The following LMNTD2 variants were observed in gnomAD, a reference collection of about 807,000 sequenced individuals.
The protein encoded by LMNTD2 is lamin tail domain containing 2.
Under a neutral mutation model 70.1 loss-of-function variants are expected in LMNTD2, and 83 were observed. The ratio of observed to expected loss-of-function variants is 1.18; its 90% CI spans 0.99 to 1.42. LMNTD2 has a LOEUF of 1.42. Among genes scored for constraint, LMNTD2 ranks in the 40% most tolerant of loss-of-function variants. The probability of loss-of-function intolerance (pLI) is 0.00; values close to 1 mark genes in which losing one functional copy is unlikely to be tolerated. For missense variants in LMNTD2, 1,153 were observed against 905.9 expected (o/e 1.27, Z -3.50); for synonymous variants, 534 against 406.1 (o/e 1.31, Z -3.79).
intron 5 of LMNTD2, 50 bp downstream of exon 5, chr11:557,834 A>G: frequency 6.6e-7 from 1 of 1,514,966 alleles, no homozygotes. Flanking sequence ...CGAGATGGGG[A>G]GGGCTGGGGA....
intron 1 of LMNTD2, 122 bp downstream of exon 1, chr11:560,561 C>G: frequency 8.0e-7 from 1 of 1,256,520 alleles, no homozygotes; most frequent in Non-Finnish European, 1.0e-6. Flanking sequence ...GGGCTGGCCC[C>G]GCTGCCCCTG....
Position 555,448 on chromosome 11 carries a change from C to G in LMNTD2, c.1630G>C (p.Gly544Arg), listed in dbSNP as rs1303521482. The G allele has an allele frequency of 1.4e-5, 19 of 1,380,906 alleles. No individual in the cohort carries two copies. The highest frequency in any genetic ancestry group is 1.8e-5 in the Non-Finnish European group (19 of 1,073,620). The allele number at this position is 1,380,906 out of a possible 1,614,324, so 85.5% of individuals were successfully genotyped here. ...SSGKLFHARE[G>R]PARPENPEIP... Reference sequence around the variant, plus strand: ...TCGGGGTTCTCGGGCCGCGCAGGCCCCTCCCGCGCGTGGAAGAGCTTCCCC... The same window carrying G: ...TCGGGGTTCTCGGGCCGCGCAGGCCGCTCCCGCGCGTGGAAGAGCTTCCCC... Residue 544 changes from glycine (G) to arginine (R), a missense_variant, in exon 13 of 14, where the codon GGG becomes CGG. Physicochemically the swap from Gly to Arg is moderately radical, Grantham distance 125. Coordinates refer to ENST00000329451, the MANE Select transcript of LMNTD2 (RefSeq NM_173573.3).
Position 556,524 on chromosome 11 carries a change from G to T in LMNTD2, c.1041C>A (p.Asp347Glu). 1 of 1,559,298 alleles carries T rather than the reference G, an allele frequency of 6.4e-7. No homozygotes were observed. The highest frequency in any genetic ancestry group is 1.2e-5 in the South Asian group (1 of 84,642). The change falls in exon 9 of 14, where the codon GAC becomes GAA. Residue 347 changes from aspartate (D) to glutamate (E), a missense_variant. Transcript: ENST00000329451. Reference sequence around the variant, plus strand: ...GGAGTTCCGGGCTCCAGTGGTCCGGGTCTGTGCAGGGCTGGGGCGACAGGA... The same window carrying T: ...GGAGTTCCGGGCTCCAGTGGTCCGGTTCTGTGCAGGGCTGGGGCGACAGGA... ...EPVLSPQPCTDPDHWSPELLQ... is the reference protein window; with the variant it reads ...EPVLSPQPCTEPDHWSPELLQ...
chr11:555,192 G>GGGAGGAGAGCGGAGGGGCGA, intron 13 of LMNTD2, 81 bp from the exon 14 acceptor site: 2 of 480,748 alleles, frequency 4.2e-6, no homozygotes, highest in Non-Finnish European at 6.2e-6. Context: ...GGGAGGGGCG[G>GGGAGGAGAGCGGAGGGGCGA]GGAGGAGAGC....
At chr11:555,165 AGGGGAGGGGAGGAGAGGGGAG>A in intron 13 of LMNTD2, 54 bp from the exon 14 acceptor site, 1 of 284,956 alleles carries the variant, frequency 3.5e-6, no homozygotes, top group Non-Finnish European at 5.7e-6. Flanking sequence ...ACGGGAGGGG[AGGGGAGGGGAGGAGAGGGGAG>A]GGGCGGGGAG....
intron 1 of LMNTD2, chr11:559,804 G>A (rs1564820466): frequency 8.9e-6 from 9 of 1,014,494 alleles, no homozygotes; most frequent in Non-Finnish European, 1.1e-5. Flanking sequence ...CCGCTGTCCA[G>A]GCTGGAATGC....
rs773482700 is a variant in LMNTD2 at position 556,539 on chromosome 11, G to A, written c.1026C>T (p.Pro342=). 6.4e-7 allele frequency: 1 copy of A among 1,562,230 alleles called. No homozygotes were observed. Among genetic ancestry groups the A allele is most frequent in the Non-Finnish European group, 8.7e-7 (1 of 1,153,712 alleles). ...AGTGGTCCGGGTCTGTGCAGGGCTG[G>A]GGCGACAGGACCGGCTCGCCGTGCC... is the stretch of plus-strand genomic sequence containing the variant. ...SPRHGEPVLS[P]QPCTDPDHWS... Residue 342 remains proline (P), a synonymous_variant, in exon 9 of 14, where the codon CCC becomes CCT. Coordinates refer to ENST00000329451, the MANE Select transcript of LMNTD2 (RefSeq NM_173573.3).
At chr11:557,751 G>A (rs540452436) in intron 5 of LMNTD2, 111 bp from the exon 6 acceptor site, 3 of 1,571,536 alleles carry the variant, frequency 1.9e-6, no homozygotes, top group Admixed American at 1.8e-5. Flanking sequence ...CCCTGCTGGA[G>A]CCCAGAGTTC....
rs553041849 is a variant in LMNTD2 at position 556,122 on chromosome 11, G to C, written c.1258-7C>G. The C allele has an allele frequency of 7.1e-7, 1 of 1,412,170 alleles. No homozygotes were observed. The highest frequency in any genetic ancestry group is 9.2e-7 in the Non-Finnish European group (1 of 1,089,934). 87.5% of individuals were successfully genotyped at this position (1,412,170 alleles called of 1,614,324 possible). A position where few individuals can be genotyped will look rare whatever the true frequency, so the allele number is the denominator to read the frequency against. The stretch of plus-strand genomic sequence containing the variant: ...GGGTCGCCTCGCCCCAGACCTGGAG[G>C]GGCGTGGAGCGGCGGGTGAGGGGCG... On this transcript the variant is annotated splice_region_variant and splice_polypyrimidine_tract_variant and intron_variant, in intron 10 of 13. Coordinates refer to ENST00000329451, the MANE Select transcript of LMNTD2 (RefSeq NM_173573.3).
chr11:560,589 C>T (rs1379632042), intron 1 of LMNTD2, 94 bp downstream of exon 1: 3 of 1,290,750 alleles, frequency 2.3e-6, no homozygotes, highest in Non-Finnish European at 3.0e-6. Flanking sequence ...GCGGGGGTTG[C>T]GGGATCTCAA....
rs775937986 is a variant in LMNTD2, at chr11:555,798, GC to G, written c.1509del (p.Arg504AlafsTer30). ...AGPGADTRKP[P>X]RPPRPLRKGR... Reference sequence around the variant, plus strand: ...CCTTTGCGCAGGGGTCGAGGTGGGCGCGGCGGCTTGCGGGTGTCGGCGCCGG... The same window carrying G: ...CCTTTGCGCAGGGGTCGAGGTGGGCGGGCGGCTTGCGGGTGTCGGCGCCGG... On this transcript the variant is annotated frameshift_variant, in exon 12 of 14. Coordinates refer to ENST00000329451, the MANE Select transcript of LMNTD2 (RefSeq NM_173573.3). LOFTEE classifies it high-confidence loss of function. 1.2e-5 allele frequency: 18 copies of G among 1,520,336 alleles called. No homozygotes were observed. Among genetic ancestry groups the G allele is most frequent in the Non-Finnish European group, 8.7e-7 (1 of 1,145,970 alleles). The allele number at this position is 1,520,336 out of a possible 1,614,324, so 94.2% of individuals were successfully genotyped here. A position where few individuals can be genotyped will look rare whatever the true frequency, so the allele number is the denominator to read the frequency against.
intron 13 of LMNTD2, 87 bp from the exon 14 acceptor site, chr11:555,198 A>AGAGCGGAGGGGCGGGGAGGC: frequency 2.5e-6 from 1 of 402,840 alleles, no homozygotes; most frequent in Non-Finnish European, 3.4e-6. Context: ...GGCGGGGAGG[A>AGAGCGGAGGGGCGGGGAGGC]GAGCGGAGGG....
rs1853048324 is a variant in LMNTD2 at position 558,467 on chromosome 11, T to C, written c.311+147A>G. 4 of 1,155,792 alleles carry C rather than the reference T, an allele frequency of 3.5e-6. No individual in the cohort carries two copies. In the African/African-American group the frequency reaches 6.2e-5, roughly 18 times the overall value. The allele number at this position is 1,155,792 out of a possible 1,614,324, so 71.6% of individuals were successfully genotyped here. On this transcript the variant is annotated intron_variant, in intron 3 of 13. Coordinates refer to ENST00000329451, the MANE Select transcript of LMNTD2 (RefSeq NM_173573.3). ...GGGTTAGGGTGGAGGCTATAGCGTG[T>C]TAACTTAGGATCAGGGTGGAGGGTC...
At chr11:560,341 A>C (rs1053747915) in intron 1 of LMNTD2, 2 of 1,128,650 alleles carry the variant, frequency 1.8e-6, no homozygotes, top group Non-Finnish European at 2.2e-6. Flanking sequence ...ACTGGGTCCA[A>C]AAGGGGCAGG....
At chr11:558,379 C>A in intron 3 of LMNTD2, 131 bp from the exon 4 acceptor site, 1 of 1,155,000 alleles carries the variant, frequency 8.7e-7, no homozygotes, top group East Asian at 2.5e-5. Flanking sequence ...CAGTACAGCC[C>A]CGCTGGGGCT....
intron 1 of LMNTD2, 78 bp from the exon 2 acceptor site, chr11:559,057 C>T (rs536098900): frequency 1.3e-5 from 21 of 1,560,120 alleles, no homozygotes; most frequent in Middle Eastern, 1.7e-4. Flanking sequence ...CAATGTTCTT[C>T]GGGAGCTGGG....
chr11:556,948 CAGCT>C lies in LMNTD2; in HGVS notation c.859_862del (p.Ser287AlafsTer11). The C allele has an allele frequency of 6.2e-7, 1 of 1,602,154 alleles. No homozygotes were observed. Among genetic ancestry groups the C allele is most frequent in the South Asian group, 1.1e-5 (1 of 90,264 alleles). ...CACGAAGGAAGGCAGGCCCGGCCGG[CAGCT>C]GCTGGAGTCGGAGTCAGCGCCCCCT... is the stretch of plus-strand genomic sequence containing the variant. On this transcript the variant is annotated frameshift_variant, in exon 8 of 14. Transcript: ENST00000329451. LOFTEE classifies it high-confidence loss of function.
In LMNTD2 at chr11:559,524, C is replaced by G. The variant is rs886740126; in HGVS notation, c.35-545G>C. On this transcript the variant is annotated intron_variant, in intron 1 of 13. Coordinates refer to ENST00000329451, the MANE Select transcript of LMNTD2 (RefSeq NM_173573.3). Reference sequence around the variant, plus strand: ...CTGGAGGAGGTGTGAGAGGCTGAGCCACTGCTCAGCTTAGCGGGGGGACCA... The same window carrying G: ...CTGGAGGAGGTGTGAGAGGCTGAGCGACTGCTCAGCTTAGCGGGGGGACCA... 8 of 1,260,386 alleles carry G rather than the reference C, an allele frequency of 6.3e-6. No individual in the cohort carries two copies. The East Asian group carries it at 1.7e-4, about 27-fold the overall frequency. The allele number at this position is 1,260,386 out of a possible 1,614,324, so 78.1% of individuals were successfully genotyped here.
intron 1 of LMNTD2, chr11:560,283 G>A (rs1206620384): frequency 2.9e-6 from 3 of 1,031,944 alleles, no homozygotes; most frequent in African/African-American, 1.7e-5. Flanking sequence ...GTAGGGTAGG[G>A]GGTGAAGGAG....
Sources: allele counts gnomAD v4.1 joint callset, GRCh38; gene constraint gnomAD v4.1.1; transcripts MANE v1.5; gene names NCBI Gene and HGNC (gene_info 2026-07-23, HGNC 2026-07-21).